The following ZNF90 variants were observed in gnomAD, a reference collection of about 807,000 sequenced individuals.
ZNF90 encodes zinc finger protein 90, also known as zinc finger protein HTF9.
A neutral mutation model predicts 12.0 loss-of-function variants in ZNF90; 11 were observed. The ratio of observed to expected loss-of-function variants is 0.92; its 90% CI spans 0.58 to 1.52. The LOEUF is 1.52. ZNF90 is among the 40% of genes most tolerant of loss of function. The pLI is 0.00. For missense variants in ZNF90, 765 were observed against 711.5 expected (o/e 1.08, Z -0.86); for synonymous variants, 232 against 240.1 (o/e 0.97, Z 0.31).
chr19:20,081,347 C>T (rs1199918270), intron 1 of ZNF90, among the ~76,000 whole-genome samples: 1 of 152,240 alleles, frequency 6.6e-6, no homozygotes, highest in East Asian at 1.9e-4. Flanking sequence ...TGCCACCACA[C>T]CCAGCTAATT....
At chr19:20,107,653 T>G (rs2089051705) in intron 3 of ZNF90, among the ~76,000 whole-genome samples, 1 of 152,202 alleles carries the variant, frequency 6.6e-6, no homozygotes, top group African/African-American at 2.4e-5. Flanking sequence ...GACTTTTTTT[T>G]GCTGTAAGGG....
intron 3 of ZNF90, among the ~76,000 whole-genome samples, chr19:20,106,044 C>CTTTTTT (rs56933917): frequency 2.1e-4 from 15 of 71,054 alleles, no homozygotes; most frequent in East Asian, 4.5e-4. Flanking sequence ...CTAATTTTTT[C>CTTTTTT]TTTTTTTTTT....
chr19:20,117,344 C>A (rs1346358555), intron 3 of ZNF90, among the ~76,000 whole-genome samples: 1 of 151,968 alleles, frequency 6.6e-6, no homozygotes, highest in Non-Finnish European at 1.5e-5. Context: ...GTGGAAATTT[C>A]TTTTTCTTTG....
chr19:20,117,975 C>A lies in ZNF90; in HGVS notation c.421C>A (p.Gln141Lys). 6.2e-7 allele frequency: 1 copy of A among 1,613,390 alleles called. No homozygotes were observed. Among genetic ancestry groups the A allele is most frequent in the Non-Finnish European group, 8.5e-7 (1 of 1,179,716 alleles). The change falls in exon 4 of 4, where the codon CAG becomes AAG. Residue 141 changes from glutamine to lysine, a missense_variant. Coordinates refer to ENST00000418063, the MANE Select transcript of ZNF90 (RefSeq NM_007138.2). ...ACTTAACCAATGTTTGACAGCTACCCAGAGCAAAGTATTTCAATGTGATAC... is the reference window on the plus strand; with the variant it reads ...ACTTAACCAATGTTTGACAGCTACCAAGAGCAAAGTATTTCAATGTGATAC... Reference protein sequence around the residue: ...NGLNQCLTATQSKVFQCDTYV... With the variant: ...NGLNQCLTATKSKVFQCDTYV...
intron 3 of ZNF90, among the ~76,000 whole-genome samples, chr19:20,109,628 C>T (rs1288147084): frequency 6.6e-6 from 1 of 151,720 alleles, no homozygotes; most frequent in Non-Finnish European, 1.5e-5. Flanking sequence ...AATCCCAGGA[C>T]TTCGGGAGGC....
chr19:20,103,216 T>C (rs1054255753), intron 1 of ZNF90, among the ~76,000 whole-genome samples: 1 of 152,156 alleles, frequency 6.6e-6, no homozygotes, highest in African/African-American at 2.4e-5. Context: ...GGTGAGAATG[T>C]GGAGGTCGAA....
intron 1 of ZNF90, among the ~76,000 whole-genome samples, chr19:20,094,642 G>A (rs62107003): frequency 0.11 from 17,091 of 152,138 alleles, 1,228 homozygotes; most frequent in Non-Finnish European, 0.16. Context: ...GGTCTGGCTC[G>A]TGAAGCCGGC....
intron 3 of ZNF90, chr19:20,117,559 C>T: frequency 1.0e-6 from 1 of 983,106 alleles, no homozygotes; most frequent in Non-Finnish European, 1.2e-6. Context: ...GCCTCAGCTT[C>T]CCAAGTAGCT....
At chr19:20,097,052 C>T (rs782424744) in intron 1 of ZNF90, among the ~76,000 whole-genome samples, 8 of 152,272 alleles carry the variant, frequency 5.3e-5, no homozygotes, top group South Asian at 2.1e-4. Context: ...CTATATATGA[C>T]GTGGTGCTGG....
intron 1 of ZNF90, among the ~76,000 whole-genome samples, chr19:20,092,152 T>G (rs1463557886): frequency 6.6e-6 from 1 of 152,012 alleles, no homozygotes; most frequent in African/African-American, 2.4e-5. Flanking sequence ...CAATGGTAAT[T>G]GTGGGAGACT....
intron 3 of ZNF90, among the ~76,000 whole-genome samples, chr19:20,114,803 G>A (rs1555705485): frequency 6.6e-6 from 1 of 151,716 alleles, no homozygotes; most frequent in Non-Finnish European, 1.5e-5. Flanking sequence ...GTTTTTTACT[G>A]CCTTCTAGTC....
intron 1 of ZNF90, among the ~76,000 whole-genome samples, chr19:20,086,768 T>C (rs2088862801): frequency 6.6e-6 from 1 of 152,234 alleles, no homozygotes; most frequent in Non-Finnish European, 1.5e-5. Flanking sequence ...CCAAATAAAA[T>C]TTATACCAAA....
rs2089159554 is a variant in ZNF90, at chr19:20,118,283, C to A, written c.729C>A (p.Thr243=). 1 of 1,559,296 alleles carries A rather than the reference C, an allele frequency of 6.4e-7. No homozygotes were observed. Among genetic ancestry groups the A allele is most frequent in the African/African-American group, 1.4e-5 (1 of 73,156 alleles). The stretch of plus-strand genomic sequence containing the variant: ...GCAAAGAATTAAAGTATTCCTCTAC[C>A]CTTACTGCACATAAGAGAATTCATA... ...DCGKELKYSS[T]LTAHKRIHTG... Residue 243 remains threonine (T), a synonymous_variant, in exon 4 of 4, where the codon ACC becomes ACA. Coordinates refer to ENST00000418063, the MANE Select transcript of ZNF90 (RefSeq NM_007138.2).
intron 1 of ZNF90, among the ~76,000 whole-genome samples, chr19:20,082,954 C>G (rs2088831521): frequency 1.3e-5 from 2 of 152,160 alleles, no homozygotes; most frequent in Non-Finnish European, 2.9e-5. Context: ...CAATACTGCT[C>G]TTTAATGCAC....
chr19:20,099,154 T>C (rs2122498987), intron 1 of ZNF90, among the ~76,000 whole-genome samples: 1 of 152,286 alleles, frequency 6.6e-6, no homozygotes, highest in East Asian at 1.9e-4. Flanking sequence ...GAAGGGCTAT[T>C]TATGAACAGA....
In ZNF90 at chr19:20,119,321, A is replaced by T. The variant is rs782576068; in HGVS notation, c.1767A>T (p.Gly589=). The part of the protein sequence containing the change: ...DLNTHKRIHI[G]QKAYIVKNMA... ...ATACACATAAGAGGATTCATATTGGACAGAAAGCCTACATAGTGAAGAACA... is the reference window on the plus strand; with the variant it reads ...ATACACATAAGAGGATTCATATTGGTCAGAAAGCCTACATAGTGAAGAACA... Residue 589 remains glycine, a synonymous_variant, in exon 4 of 4, where the codon GGA becomes GGT. Transcript: ENST00000418063. 3 of 1,605,484 alleles carry T rather than the reference A, an allele frequency of 1.9e-6. No homozygotes were observed. The highest frequency in any genetic ancestry group is 1.7e-4 in the Middle Eastern group (1 of 6,040).
chr19:20,098,728 T>G (rs2088967143), intron 1 of ZNF90, among the ~76,000 whole-genome samples: 2 of 152,204 alleles, frequency 1.3e-5, no homozygotes, highest in African/African-American at 4.8e-5. Flanking sequence ...TCTAGATGTC[T>G]TTGAGGCATT....
At position 20,103,038 on chromosome 19, in the gene ZNF90, G is replaced by T. The variant is rs187437677; in HGVS notation, c.4-1201G>T. On this transcript the variant is annotated intron_variant, in intron 1 of 3. Coordinates refer to ENST00000418063, the MANE Select transcript of ZNF90 (RefSeq NM_007138.2). ...GGGTGGCCAGACCAAACACCAGGTC[G>T]TGGGGGTGACAAAGTCTGATGGACT... is the stretch of plus-strand genomic sequence containing the variant. 5.5e-3 allele frequency among the ~76,000 whole-genome samples: 844 copies of T among 152,262 alleles called. 6 individuals are homozygous for T. Among genetic ancestry groups the T allele is most frequent in the Non-Finnish European group, 8.5e-3 (581 of 68,024 alleles).
intron 1 of ZNF90, 149 bp from the exon 2 acceptor site, chr19:20,104,090 G>A: frequency 4.3e-6 from 5 of 1,149,786 alleles, no homozygotes; most frequent in Non-Finnish European, 6.0e-6. Flanking sequence ...AAATATTTTT[G>A]TGTTGGAAAT....
Sources: gnomAD v4.1 joint callset for allele counts (sites outside exome capture counted in the v4.1 genomes callset) on GRCh38, gnomAD v4.1.1 for gene constraint, MANE v1.5 for transcripts, NCBI Gene and HGNC (gene_info 2026-07-23, HGNC 2026-07-21) for gene names.